The following LTV1 variants were observed in gnomAD, a reference collection of about 807,000 sequenced individuals.
LTV1 encodes LTV1 ribosome biogenesis factor, also known as protein LTV1 homolog.
Under a neutral mutation model 59.9 loss-of-function variants are expected in LTV1, and 39 were observed. The observed-to-expected ratio is 0.65, with a 90% CI of 0.50 to 0.85. The LOEUF is 0.85. Among genes scored for constraint, LTV1 ranks in the 40% least tolerant of loss-of-function variants. LTV1 has a pLI of 0.00. For missense variants in LTV1, 493 were observed against 549.1 expected, an observed-to-expected ratio of 0.90 and a Z score of 1.02; for synonymous variants, 171 against 189.5, an observed-to-expected ratio of 0.90 and a Z score of 0.80.
At position 143,863,810 on chromosome 6, in the gene LTV1, G is replaced by C; in HGVS notation, c.*283G>C. Reference sequence around the variant, plus strand: ...TTAAAGGAAAATATCTTCATAACGTGAATGGAATTGGTGTATTCATTTATT... The same window carrying C: ...TTAAAGGAAAATATCTTCATAACGTCAATGGAATTGGTGTATTCATTTATT... On this transcript the variant is annotated 3_prime_UTR_variant, in exon 11 of 11. Transcript: ENST00000367576. This position sits in a 1 kb window ranked among gnomAD's most constrained non-coding sequence, Gnocchi z 4.5. The C allele has an allele frequency of 4.2e-6, 1 of 240,374 alleles. No individual in the cohort carries two copies. Among genetic ancestry groups the C allele is most frequent in the Non-Finnish European group, 8.0e-6 (1 of 125,120 alleles). 14.9% of individuals were successfully genotyped at this position (240,374 alleles called of 1,614,324 possible). A position where few individuals can be genotyped will look rare whatever the true frequency, so the allele number is the denominator to read the frequency against.
At chr6:143,849,555 G>A (rs1776947916) in intron 3 of LTV1, among the ~76,000 whole-genome samples, 2 of 152,160 alleles carry the variant, frequency 1.3e-5, no homozygotes. Context: ...TGCTAGAGAA[G>A]GCATTGTGAT....
chr6:143,851,761 C>T (rs1776986407), intron 4 of LTV1, among the ~76,000 whole-genome samples: 4 of 151,890 alleles, frequency 2.6e-5, no homozygotes, highest in Admixed American at 2.6e-4. Flanking sequence ...GTGTGATGTT[C>T]CCCTCCCTGT....
In LTV1 at chr6:143,855,018, G is replaced by A. The variant is rs940494483; in HGVS notation, c.398-2285G>A. 4.6e-5 allele frequency among the ~76,000 whole-genome samples: 7 copies of A among 152,096 alleles called. No individual in the cohort carries two copies. The highest frequency in any genetic ancestry group is 2.1e-4 in the South Asian group (1 of 4,822). ...AAGATCCTTGTGAATTTTCTGTCTC[G>A]TTGATCTGTCTAATATTGACAGTGG... On this transcript the variant is annotated intron_variant, in intron 4 of 10. Transcript: ENST00000367576. The surrounding 1 kb of genome is among the most constrained non-coding windows in gnomAD (Gnocchi z 4.6).
rs899584610 is a variant in LTV1 at position 143,858,004 on chromosome 6, G to A, written c.792G>A (p.Glu264=). The A allele has an allele frequency of 2.6e-5, 42 of 1,613,912 alleles. No individual in the cohort carries two copies. Among genetic ancestry groups the A allele is most frequent in the Non-Finnish European group, 3.5e-5 (41 of 1,180,008 alleles). The change falls in exon 6 of 11, where the codon GAG becomes GAA. Residue 264 remains glutamate (E), a synonymous_variant. Transcript: ENST00000367576. ...EQLTLHDERF[E]KFYEQYDDDE... ...TGACCCTACATGATGAGAGGTTTGAGAAGGTAAGGTCCCCACATAAGGGAT... is the reference window on the plus strand; with the variant it reads ...TGACCCTACATGATGAGAGGTTTGAAAAGGTAAGGTCCCCACATAAGGGAT...
chr6:143,858,241 A>G (rs764650517), intron 6 of LTV1: 9 of 473,776 alleles, frequency 1.9e-5, no homozygotes, highest in Non-Finnish European at 3.5e-5. Context: ...AAGAAGAGTA[A>G]TTGGTTAGGA....
Position 143,863,097 on chromosome 6 carries a change from T to G in LTV1, c.1128T>G (p.Ile376Met). The G allele has an allele frequency of 6.2e-7, 1 of 1,613,588 alleles. No homozygotes were observed. Among genetic ancestry groups the G allele is most frequent in the Middle Eastern group, 1.7e-4 (1 of 6,054 alleles). Residue 376 changes from isoleucine (I) to methionine (M), a missense_variant, in exon 10 of 11, where the codon ATT becomes ATG. By Grantham distance (10) the Ile-to-Met change is conservative. Coordinates refer to ENST00000367576, the MANE Select transcript of LTV1 (RefSeq NM_032860.5). This position sits in a 1 kb window ranked among gnomAD's most constrained non-coding sequence, Gnocchi z 4.5. ...TATCTGTATTTCAGCCCAAACAAAT[T>G]CGAATATCTTCTAAAACAGGAATAC... The part of the protein sequence containing the change: ...LIKYQPKPKQ[I>M]RISSKTGIPL...
intron 7 of LTV1, among the ~76,000 whole-genome samples, chr6:143,861,455 G>T (rs1777162970): frequency 6.6e-6 from 1 of 151,718 alleles, no homozygotes; most frequent in Non-Finnish European, 1.5e-5. Context: ...AAGAAATAAA[G>T]GGACACATTC....
chr6:143,847,448 G>A (rs1477750758), intron 3 of LTV1, among the ~76,000 whole-genome samples: 1 of 152,158 alleles, frequency 6.6e-6, no homozygotes, highest in South Asian at 2.1e-4. Context: ...CGCAACCTCC[G>A]CCTCCCGGGT....
chr6:143,846,767 C>G (rs903808111), intron 3 of LTV1, among the ~76,000 whole-genome samples: 5 of 152,152 alleles, frequency 3.3e-5, no homozygotes, highest in Admixed American at 6.5e-5. Context: ...AGTCTAAGTT[C>G]TGTTTTCTCC....
chr6:143,860,415 T>G lies in LTV1; in HGVS notation c.796-11T>G. On this transcript the variant is annotated splice_polypyrimidine_tract_variant and intron_variant, in intron 6 of 10. Transcript: ENST00000367576. ...GCTTTTCATGGTATCTTTTCTCTGT[T>G]TATATTCAAGTTTTATGAGCAATAT... The G allele has an allele frequency of 6.2e-7, 1 of 1,611,594 alleles. No homozygotes were observed. Among genetic ancestry groups the G allele is most frequent in the Non-Finnish European group, 8.5e-7 (1 of 1,178,990 alleles).
At position 143,862,929 on chromosome 6, in the gene LTV1, T is replaced by C. The variant is rs1192106014; in HGVS notation, c.1116+33T>C. ...CTAGTGTGCTGAGCTATTTGAAGGA[T>C]GCAGTGCATAAAAAATAGAGTGCAC... On this transcript the variant is annotated intron_variant, in intron 9 of 10. Transcript: ENST00000367576. The surrounding 1 kb of genome is among the most constrained non-coding windows in gnomAD (Gnocchi z 4.2). 3 of 1,524,604 alleles carry C rather than the reference T, an allele frequency of 2.0e-6. No individual in the cohort carries two copies. Among genetic ancestry groups the C allele is most frequent in the Admixed American group, 3.3e-5 (2 of 59,734 alleles). The allele number at this position is 1,524,604 out of a possible 1,614,324, so 94.4% of individuals were successfully genotyped here.
Position 143,843,440 on chromosome 6 carries a change from G to T in LTV1, c.-38G>T. ...CCCGCCGGACTTCGAGGGTGTCATC[G>T]CCGCCCCTGTTGGGGGTGAGCGCCG... On this transcript the variant is annotated 5_prime_UTR_variant, in exon 1 of 11. Transcript: ENST00000367576. 5 of 1,612,418 alleles carry T rather than the reference G, an allele frequency of 3.1e-6. No homozygotes were observed. The highest frequency in any genetic ancestry group is 4.2e-6 in the Non-Finnish European group (5 of 1,179,916).
Position 143,857,740 on chromosome 6 carries a change from C to A in LTV1, c.540-12C>A, listed in dbSNP as rs1193672041. ...AGTTGTTTTGGTAGGTAATTTATGA[C>A]CTTTACTTTAGGAAATCTGAGAATG... On this transcript the variant is annotated splice_polypyrimidine_tract_variant and intron_variant, in intron 5 of 10. Transcript: ENST00000367576. The surrounding 1 kb of genome is among the most constrained non-coding windows in gnomAD (Gnocchi z 5.2). 2.5e-6 allele frequency: 4 copies of A among 1,613,570 alleles called. No homozygotes were observed. Among genetic ancestry groups the A allele is most frequent in the Non-Finnish European group, 3.4e-6 (4 of 1,179,658 alleles).
Position 143,857,662 on chromosome 6 carries a change from G to A in LTV1, c.540-90G>A. On this transcript the variant is annotated intron_variant, in intron 5 of 10. Coordinates refer to ENST00000367576, the MANE Select transcript of LTV1 (RefSeq NM_032860.5). This position sits in a 1 kb window ranked among gnomAD's most constrained non-coding sequence, Gnocchi z 5.2. ...TCCTGCCTAGACAAGAACCCTTCCT[G>A]AAATACCTTCCAATTTTACTTGTGT... The A allele has an allele frequency of 6.9e-7, 1 of 1,448,890 alleles. No individual in the cohort carries two copies. The highest frequency in any genetic ancestry group is 1.8e-5 in the Admixed American group (1 of 56,810). The allele number at this position is 1,448,890 out of a possible 1,614,324, so 89.8% of individuals were successfully genotyped here.
intron 4 of LTV1, among the ~76,000 whole-genome samples, chr6:143,853,485 G>T (rs1334033065): frequency 6.6e-6 from 1 of 152,116 alleles, no homozygotes; most frequent in Non-Finnish European, 1.5e-5. Context: ...GATTGCCCTG[G>T]CCAGAACTTC....
In LTV1 at chr6:143,846,088, A is replaced by T; in HGVS notation, c.173A>T (p.Tyr58Phe). ...NEERRAEQRK[Y>F]GVFFDDDYDY... ...GAAAGGCGAGCAGAACAGAGGAAGT[A>T]TGGAGTGTTCTTTGATGACGACTAT... The change falls in exon 3 of 11, where the codon TAT becomes TTT. Residue 58 changes from tyrosine (Y) to phenylalanine (F), a missense_variant. Transcript: ENST00000367576. The T allele has an allele frequency of 2.5e-6, 4 of 1,614,232 alleles. No individual in the cohort carries two copies. Among genetic ancestry groups the T allele is most frequent in the Non-Finnish European group, 3.4e-6 (4 of 1,180,034 alleles).
At position 143,857,035 on chromosome 6, in the gene LTV1, G is replaced by T. The variant is rs759494074; in HGVS notation, c.398-268G>T. Among the ~76,000 whole-genome samples the T allele has an allele frequency of 6.6e-6, 1 of 152,216 alleles. No individual in the cohort carries two copies. Among genetic ancestry groups the T allele is most frequent in the Non-Finnish European group, 1.5e-5 (1 of 68,034 alleles). On this transcript the variant is annotated intron_variant, in intron 4 of 10. Coordinates refer to ENST00000367576, the MANE Select transcript of LTV1 (RefSeq NM_032860.5). The surrounding 1 kb of genome is among the most constrained non-coding windows in gnomAD (Gnocchi z 5.2). ...TGAGTCTGCTGAAGCTGTGCCCACAGCCGCCCCTTCCCCCAGGTGCTCTGT... is the reference window on the plus strand; with the variant it reads ...TGAGTCTGCTGAAGCTGTGCCCACATCCGCCCCTTCCCCCAGGTGCTCTGT...
intron 1 of LTV1, 125 bp downstream of exon 1, chr6:143,843,605 G>A (rs1562328048): frequency 2.3e-6 from 3 of 1,286,530 alleles, no homozygotes; most frequent in Non-Finnish European, 3.3e-6. Flanking sequence ...TTGCGGCACG[G>A]TACCCCGAAA....
At chr6:143,847,396 C>T (rs1288660405) in intron 3 of LTV1, among the ~76,000 whole-genome samples, 1 of 152,198 alleles carries the variant, frequency 6.6e-6, no homozygotes, top group Non-Finnish European at 1.5e-5. Context: ...AGTTTTGCTC[C>T]TGTTGCCCAG....
Sources: allele counts gnomAD v4.1 joint callset (sites outside exome capture counted in the v4.1 genomes callset), GRCh38; gene constraint gnomAD v4.1.1; non-coding constraint Gnocchi (gnomAD v3.1); transcripts MANE v1.5; gene names NCBI Gene and HGNC (gene_info 2026-07-23, HGNC 2026-07-21).